Variants in RARB observed in about 807,000 individuals in gnomAD.
RARB encodes retinoic acid receptor beta.
RARB carries 17 observed loss-of-function variants against 51.9 expected under a neutral mutation model. That is an observed-to-expected ratio of 0.33 (90% CI 0.22 to 0.49). RARB has a LOEUF of 0.49. Ranked by LOEUF, RARB falls within the 20% of genes least tolerant of loss-of-function variation. The pLI is 0.99. For missense variants in RARB, 369 were observed against 550.8 expected, an observed-to-expected ratio of 0.67 and a Z score of 3.30; for synonymous variants, 215 against 195.4, an observed-to-expected ratio of 1.10 and a Z score of -0.84.
intron 2 of RARB, among the ~76,000 whole-genome samples, chr3:24,938,013 G>A (rs917827964): frequency 6.7e-6 from 1 of 148,362 alleles, no homozygotes; most frequent in African/African-American, 2.5e-5. Context: ...TCTCTGTATC[G>A]ATTGGAATGT....
intron 2 of RARB, among the ~76,000 whole-genome samples, chr3:25,009,612 G>T (rs1213475751): frequency 6.6e-6 from 1 of 152,004 alleles, no homozygotes; most frequent in Non-Finnish European, 1.5e-5. Flanking sequence ...TTTCCCTTGT[G>T]TTGCTGGCAA....
intron 3 of RARB, among the ~76,000 whole-genome samples, chr3:25,552,764 T>G (rs1699900127): frequency 6.6e-6 from 1 of 152,018 alleles, no homozygotes; most frequent in Admixed American, 6.6e-5. Context: ...AAATATTCAA[T>G]GTCTAGGGTT....
chr3:25,329,858 C>T (rs1223359337), intron 5 of RARB, among the ~76,000 whole-genome samples: 2 of 152,042 alleles, frequency 1.3e-5, no homozygotes, highest in Non-Finnish European at 2.9e-5. Flanking sequence ...ACGAGAACTA[C>T]GTGATGCATG....
At chr3:24,856,092 A>G (rs1702630582) in intron 1 of RARB, among the ~76,000 whole-genome samples, 1 of 152,110 alleles carries the variant, frequency 6.6e-6, no homozygotes. Flanking sequence ...TGACTCTTGA[A>G]TATATACAAT....
chr3:25,492,043 T>G (rs573836994), intron 2 of RARB, among the ~76,000 whole-genome samples: 1 of 152,366 alleles, frequency 6.6e-6, no homozygotes, highest in African/African-American at 2.4e-5. Context: ...CCTGTGGGAC[T>G]GCACAGTCAC....
At chr3:25,163,504 AAT>A (rs138389529) in intron 4 of RARB, among the ~76,000 whole-genome samples, 3,446 of 130,758 alleles carry the variant, frequency 0.026, 69 homozygotes, top group East Asian at 0.051. Context: ...CCTATCTCAA[AAT>A]ATATATATAT....
chr3:25,454,205 G>T (rs1311394298), intron 1 of RARB, among the ~76,000 whole-genome samples: 1 of 152,228 alleles, frequency 6.6e-6, no homozygotes, highest in Non-Finnish European at 1.5e-5. Flanking sequence ...CGGAGAATCT[G>T]GTTCTAATTA....
intron 5 of RARB, among the ~76,000 whole-genome samples, chr3:25,239,122 T>C (rs1387946826): frequency 6.6e-6 from 1 of 152,254 alleles, no homozygotes; most frequent in Non-Finnish European, 1.5e-5. Flanking sequence ...GAAATGCCTA[T>C]TCATGTCCTT....
intron 3 of RARB, among the ~76,000 whole-genome samples, chr3:25,530,803 A>T (rs537863679): frequency 6.6e-6 from 1 of 152,242 alleles, no homozygotes; most frequent in East Asian, 1.9e-4. Flanking sequence ...GACATCTTTG[A>T]GTGGGATGGG....
chr3:25,099,781 A>G (rs1699364718), intron 3 of RARB, among the ~76,000 whole-genome samples: 2 of 152,078 alleles, frequency 1.3e-5, no homozygotes, highest in South Asian at 4.1e-4. Flanking sequence ...ATAGACCTGA[A>G]CGTGGTGCAT....
intron 2 of RARB, among the ~76,000 whole-genome samples, chr3:24,964,563 G>T (rs554783494): frequency 6.6e-6 from 1 of 152,246 alleles, no homozygotes; most frequent in Non-Finnish European, 1.5e-5. Context: ...GAGAATGGCT[G>T]GTGTATGATT....
intron 2 of RARB, among the ~76,000 whole-genome samples, chr3:25,491,170 T>C (rs1040432483): frequency 2.0e-5 from 3 of 152,152 alleles, no homozygotes; most frequent in Non-Finnish European, 4.4e-5. Flanking sequence ...AACTTTAAGA[T>C]ATCCTCTTGA....
At position 24,863,274 on chromosome 3, in the gene RARB, C is replaced by T. The variant is rs149437510; in HGVS notation, c.-380+4522C>T. ...TTGGCCATTTAACTTCATGGATGAA[C>T]CAACCGAGCTAACCAGCCACAGATG... On this transcript the variant is annotated intron_variant, in intron 2 of 11. Coordinates refer to the RARB transcript ENST00000383772. Among the ~76,000 whole-genome samples the T allele has an allele frequency of 6.8e-3, 1,040 of 152,282 alleles. 4 individuals carry two copies. The highest frequency in any genetic ancestry group is 0.041 in the Middle Eastern group (12 of 294).
chr3:24,970,683 T>G (rs574346909), intron 2 of RARB, among the ~76,000 whole-genome samples: 3 of 151,896 alleles, frequency 2.0e-5, no homozygotes, highest in African/African-American at 7.2e-5. Flanking sequence ...TAGAGGATAG[T>G]CCTTTTAATT....
intron 3 of RARB, among the ~76,000 whole-genome samples, chr3:25,523,777 C>T (rs149421226): frequency 4.7e-4 from 71 of 152,248 alleles, no homozygotes; most frequent in African/African-American, 1.5e-3. Context: ...CTCACACTTT[C>T]GGAGCTAAAG....
chr3:24,959,437 C>T (rs1357442147), intron 2 of RARB, among the ~76,000 whole-genome samples: 2 of 152,182 alleles, frequency 1.3e-5, no homozygotes, highest in African/African-American at 4.8e-5. Flanking sequence ...CTCCGGTGTT[C>T]AGCTGCTGCT....
At chr3:25,537,176 G>C (rs1372720906) in intron 3 of RARB, among the ~76,000 whole-genome samples, 2 of 152,170 alleles carry the variant, frequency 1.3e-5, no homozygotes, top group Non-Finnish European at 2.9e-5. Flanking sequence ...AGAGGGGTTT[G>C]GCTTAGTGGA....
chr3:25,270,197 A>T (rs1231173011), intron 5 of RARB, among the ~76,000 whole-genome samples: 1 of 152,242 alleles, frequency 6.6e-6, no homozygotes, highest in Non-Finnish European at 1.5e-5. Flanking sequence ...ACCAATGTTC[A>T]TAGCAACTTA....
intron 2 of RARB, among the ~76,000 whole-genome samples, chr3:24,891,357 C>T (rs1482554631): frequency 6.6e-6 from 1 of 152,110 alleles, no homozygotes; most frequent in African/African-American, 2.4e-5. Flanking sequence ...GTTCTGCTTA[C>T]TAAGAAGCCT....
Sources: allele counts gnomAD v4.1 joint callset (sites outside exome capture counted in the v4.1 genomes callset), GRCh38; gene constraint gnomAD v4.1.1; transcripts MANE v1.5; gene names NCBI Gene and HGNC (gene_info 2026-07-23, HGNC 2026-07-21).